Variants in SYN3 observed in about 807,000 individuals in gnomAD.
SYN3 encodes synapsin-3.
In SYN3, 35 loss-of-function variants were observed where a neutral mutation model predicts 65.8. The observed-to-expected ratio is 0.53, with a 90% CI of 0.41 to 0.70. The LOEUF (loss-of-function observed/expected upper bound fraction) is 0.70, where lower values mean the gene tolerates loss of function less well. Ranked by LOEUF, SYN3 falls within the 30% of genes least tolerant of loss-of-function variation. The pLI is 0.00. For synonymous variants in SYN3, 270 were observed against 292.9 expected (o/e 0.92, Z 0.80); for missense variants, 680 against 749.0 (o/e 0.91, Z 1.08).
At chr22:32,840,278 C>T (rs1299575822) in intron 6 of SYN3, among the ~76,000 whole-genome samples, 7 of 152,214 alleles carry the variant, frequency 4.6e-5, no homozygotes, top group East Asian at 3.9e-4. Context: ...TTTTACTTAA[C>T]GGAAAGAGTT....
chr22:32,691,039 T>C (rs2060654969), intron 6 of SYN3, among the ~76,000 whole-genome samples: 1 of 152,140 alleles, frequency 6.6e-6, no homozygotes, highest in Non-Finnish European at 1.5e-5. Flanking sequence ...GTGACACATT[T>C]GTGGAATAAG....
Position 32,509,503 on chromosome 22 carries a change from G to A in SYN3, c.*4189C>T, listed in dbSNP as rs578209755. ...TGACAGAACAGACTATTTTAGGGTC[G>A]CCATGAGACCTATGTGTCCTTGGTT... On this transcript the variant is annotated 3_prime_UTR_variant, in exon 14 of 14. Coordinates refer to ENST00000358763, the MANE Select transcript of SYN3 (RefSeq NM_003490.4). Among the ~76,000 whole-genome samples the A allele has an allele frequency of 3.9e-5, 6 of 152,168 alleles. No individual in the cohort carries two copies. The South Asian group carries it at 1.0e-3, about 26-fold the overall frequency.
chr22:32,652,931 C>T (rs1033859778), intron 6 of SYN3, among the ~76,000 whole-genome samples: 7 of 152,188 alleles, frequency 4.6e-5, no homozygotes, highest in African/African-American at 1.4e-4. Context: ...CAGTTCAAAC[C>T]TCACAGTCAA....
intron 10 of SYN3, among the ~76,000 whole-genome samples, chr22:32,533,190 C>T (rs1402823066): frequency 6.6e-6 from 1 of 151,900 alleles, no homozygotes; most frequent in African/African-American, 2.4e-5. Context: ...CTCTGTGAGC[C>T]CTCTGTTACC....
intron 6 of SYN3, among the ~76,000 whole-genome samples, chr22:32,712,142 G>A (rs2060974454): frequency 6.6e-6 from 1 of 152,148 alleles, no homozygotes; most frequent in South Asian, 2.1e-4. Context: ...GGCTGCCTTT[G>A]TCCTTGGTCT....
intron 7 of SYN3, among the ~76,000 whole-genome samples, chr22:32,586,421 A>G (rs987714433): frequency 1.8e-4 from 27 of 152,214 alleles, no homozygotes; most frequent in African/African-American, 6.5e-4. Flanking sequence ...CTCAATGCCA[A>G]TGGTACTGTA....
At chr22:32,750,661 A>G (rs1206485745) in intron 6 of SYN3, among the ~76,000 whole-genome samples, 2 of 152,256 alleles carry the variant, frequency 1.3e-5, no homozygotes, top group African/African-American at 2.4e-5. Context: ...GGGCAAGGGC[A>G]GAAACCAGAA....
chr22:32,615,235 A>G (rs1569093180), intron 6 of SYN3, among the ~76,000 whole-genome samples: 1 of 151,896 alleles, frequency 6.6e-6, no homozygotes, highest in African/African-American at 2.4e-5. Context: ...AGGAGTTCGA[A>G]ACCAGCCTGG....
intron 6 of SYN3, among the ~76,000 whole-genome samples, chr22:32,717,926 A>G (rs2061061071): frequency 6.6e-6 from 1 of 152,216 alleles, no homozygotes; most frequent in Admixed American, 6.5e-5. Context: ...GCACGCAAGC[A>G]TGCATGTATC....
At chr22:32,515,708 GT>G (rs1401381754) in intron 13 of SYN3, among the ~76,000 whole-genome samples, 1 of 152,156 alleles carries the variant, frequency 6.6e-6, no homozygotes, top group Non-Finnish European at 1.5e-5. Context: ...GTTTCTATTT[GT>G]GATGGATTAG....
At chr22:32,573,123 C>T (rs2058801978) in intron 7 of SYN3, among the ~76,000 whole-genome samples, 2 of 152,292 alleles carry the variant, frequency 1.3e-5, no homozygotes, top group South Asian at 2.1e-4. Flanking sequence ...TTAGGGTTCC[C>T]CCCTGTTTTC....
intron 7 of SYN3, among the ~76,000 whole-genome samples, chr22:32,581,171 G>T (rs968348722): frequency 1.3e-5 from 2 of 152,138 alleles, no homozygotes; most frequent in African/African-American, 4.8e-5. Flanking sequence ...GTGCAGTGGT[G>T]CAATCTCGGC....
intron 3 of SYN3, among the ~76,000 whole-genome samples, chr22:32,957,040 G>A (rs930489764): frequency 6.6e-6 from 1 of 152,184 alleles, no homozygotes; most frequent in Non-Finnish European, 1.5e-5. Flanking sequence ...GTCAGGGCAG[G>A]CTAATCAGGA....
chr22:32,542,166 T>C (rs1009493407), intron 7 of SYN3, among the ~76,000 whole-genome samples: 5 of 152,108 alleles, frequency 3.3e-5, no homozygotes, highest in Admixed American at 6.5e-5. Flanking sequence ...GGAAAGCCAC[T>C]GGAAGAGGGA....
intron 3 of SYN3, among the ~76,000 whole-genome samples, chr22:32,957,389 G>A (rs561583891): frequency 8.5e-5 from 13 of 152,244 alleles, no homozygotes; most frequent in Admixed American, 3.3e-4. Flanking sequence ...AATGAACATC[G>A]CCGGGATGCA....
At chr22:32,646,671 A>G (rs1465562504) in intron 6 of SYN3, among the ~76,000 whole-genome samples, 1 of 152,208 alleles carries the variant, frequency 6.6e-6, no homozygotes, top group Non-Finnish European at 1.5e-5. Context: ...AGGCCCTGCA[A>G]ACTATGAGTA....
chr22:32,547,739 TCTC>T (rs1432920083), intron 7 of SYN3, among the ~76,000 whole-genome samples: 2 of 151,986 alleles, frequency 1.3e-5, no homozygotes, highest in Non-Finnish European at 2.9e-5. Context: ...GGCTCAGAGG[TCTC>T]CTGTTCCAAA....
intron 4 of SYN3, among the ~76,000 whole-genome samples, chr22:32,898,375 CCA>C (rs2049658893): frequency 6.6e-6 from 1 of 152,148 alleles, no homozygotes; most frequent in South Asian, 2.1e-4. Context: ...TATCTGAACC[CCA>C]GTTTCCTTGT....
intron 3 of SYN3, among the ~76,000 whole-genome samples, chr22:32,979,823 G>T (rs1273974743): frequency 1.3e-5 from 2 of 152,138 alleles, no homozygotes; most frequent in African/African-American, 4.8e-5. Flanking sequence ...TGAACTGGAG[G>T]GAGTGTAAGT....
Sources: gnomAD v4.1 joint callset for allele counts (sites outside exome capture counted in the v4.1 genomes callset) on GRCh38, gnomAD v4.1.1 for gene constraint, MANE v1.5 for transcripts, NCBI Gene and HGNC (gene_info 2026-07-23, HGNC 2026-07-21) for gene names.